CTNNAL1: variants seen among roughly 807,000 people sequenced by gnomAD.
CTNNAL1 encodes the protein alpha-catulin.
In CTNNAL1, 69 loss-of-function variants were observed where a neutral mutation model predicts 93.6. The ratio of observed to expected loss-of-function variants is 0.74; its 90% confidence interval spans 0.61 to 0.90. The LOEUF is 0.90. Among genes scored for constraint, CTNNAL1 ranks in the 40% least tolerant of loss-of-function variants. CTNNAL1 has a pLI of 0.00. For synonymous variants in CTNNAL1, 286 were observed against 305.4 expected, an observed-to-expected ratio of 0.94 and a Z score of 0.66; for missense variants, 836 against 862.0, an observed-to-expected ratio of 0.97 and a Z score of 0.38.
At chr9:108,976,501 C>T (rs1831268416) in intron 8 of CTNNAL1, among the ~76,000 whole-genome samples, 1 of 151,934 alleles carries the variant, frequency 6.6e-6, no homozygotes, top group Non-Finnish European at 1.5e-5. Flanking sequence ...AAAATCATGG[C>T]TTCAAAATAA....
chr9:109,005,595 A>G (rs1405332307), intron 1 of CTNNAL1, among the ~76,000 whole-genome samples: 1 of 151,942 alleles, frequency 6.6e-6, no homozygotes, highest in Non-Finnish European at 1.5e-5. Context: ...CAGAATGTGG[A>G]CCCTCACTGG....
intron 3 of CTNNAL1, 132 bp downstream of exon 3, chr9:108,992,500 G>A (rs1014602474): frequency 1.4e-5 from 16 of 1,157,620 alleles, no homozygotes; most frequent in Admixed American, 3.0e-5. Flanking sequence ...ATCCTGCATT[G>A]CACATTAATT....
At chr9:109,013,280 G>A (rs1416597291) in intron 1 of CTNNAL1, 22 bp downstream of exon 1, 1 of 1,479,422 alleles carries the variant, frequency 6.8e-7, no homozygotes, top group Non-Finnish European at 9.0e-7. Flanking sequence ...GAGAAGAGGG[G>A]CCGCGCCAGG....
chr9:108,976,656 G>A (rs1444756950), intron 8 of CTNNAL1, among the ~76,000 whole-genome samples: 3 of 151,734 alleles, frequency 2.0e-5, no homozygotes, highest in Admixed American at 6.6e-5. Flanking sequence ...TCAGCCTCCC[G>A]AGTAGCTGGG....
intron 8 of CTNNAL1, 31 bp from the exon 9 acceptor site, chr9:108,972,864 G>GGGGGGGGGGGGGGGGCCCCCCCC: frequency 4.9e-5 from 7 of 142,518 alleles, no homozygotes; most frequent in Non-Finnish European, 7.0e-5. Context: ...GGGGGGGTGG[G>GGGGGGGGGGGGGGGGCCCCCCCC]AGGGTGGAGA....
intron 11 of CTNNAL1, among the ~76,000 whole-genome samples, chr9:108,956,683 A>C (rs1273328519): frequency 1.3e-5 from 2 of 152,232 alleles, no homozygotes; most frequent in Admixed American, 6.5e-5. Context: ...AAGAGCACTA[A>C]ATCATACCTT....
At chr9:108,975,750 C>G (rs1400019852) in intron 8 of CTNNAL1, among the ~76,000 whole-genome samples, 2 of 151,926 alleles carry the variant, frequency 1.3e-5, no homozygotes, top group Non-Finnish European at 2.9e-5. Flanking sequence ...TATTTTAGGC[C>G]CTATTGTGAC....
intron 11 of CTNNAL1, among the ~76,000 whole-genome samples, chr9:108,957,681 C>T (rs1261612095): frequency 3.3e-5 from 5 of 152,048 alleles, no homozygotes; most frequent in African/African-American, 1.2e-4. Flanking sequence ...GAAAAGTGCT[C>T]GATTTAGTTG....
chr9:109,011,728 A>G (rs66633513), intron 1 of CTNNAL1, among the ~76,000 whole-genome samples: 40,346 of 152,226 alleles, frequency 0.27, 6,250 homozygotes, highest in African/African-American at 0.43. Context: ...AAGCCCTAAC[A>G]ACAAATTATT....
In CTNNAL1 at chr9:108,986,606, G is replaced by A. The variant is rs919722071; in HGVS notation, c.640-2170C>T. On this transcript the variant is annotated intron_variant, in intron 4 of 18. Transcript: ENST00000325551. Reference sequence around the variant, plus strand: ...TAGATCCCTGAGGAATCGCCACACTGACTTCCACAATGGTTGAACTAGTTT... The same window carrying A: ...TAGATCCCTGAGGAATCGCCACACTAACTTCCACAATGGTTGAACTAGTTT... Among the ~76,000 whole-genome samples the A allele has an allele frequency of 3.6e-3, 541 of 151,374 alleles. 3 individuals are homozygous for A. The highest frequency in any genetic ancestry group is 0.013 in the African/African-American group (520 of 41,280).
At chr9:108,959,978 TA>T (rs1466086646) in intron 11 of CTNNAL1, among the ~76,000 whole-genome samples, 3 of 152,182 alleles carry the variant, frequency 2.0e-5, no homozygotes, top group African/African-American at 7.2e-5. Flanking sequence ...ATCTACAAAA[TA>T]AATCGAATTC....
intron 8 of CTNNAL1, 31 bp from the exon 9 acceptor site, chr9:108,972,864 G>GCGCCCCCCCCC: frequency 2.1e-5 from 3 of 142,556 alleles, no homozygotes; most frequent in Non-Finnish European, 3.0e-5. Context: ...GGGGGGGTGG[G>GCGCCCCCCCCC]AGGGTGGAGA....
At chr9:108,958,082 A>C (rs1044943226) in intron 11 of CTNNAL1, among the ~76,000 whole-genome samples, 2 of 151,370 alleles carry the variant, frequency 1.3e-5, no homozygotes, top group South Asian at 2.1e-4. Context: ...AAAAAAAAAA[A>C]AACAAAGTGG....
chr9:109,004,422 C>A (rs1826950654), intron 1 of CTNNAL1, among the ~76,000 whole-genome samples: 1 of 152,154 alleles, frequency 6.6e-6, no homozygotes, highest in Admixed American at 6.5e-5. Flanking sequence ...GGATTTAAAT[C>A]CAGATATTCT....
chr9:108,990,641 T>C lies in CTNNAL1; in HGVS notation c.639+85A>G. ...TAGACTTAATAAGCAAAGAAACCAG[T>C]CCAAACAATCCTAACGATCATACCT... On this transcript the variant is annotated intron_variant, in intron 4 of 18. Transcript: ENST00000325551. 4 of 1,476,458 alleles carry C rather than the reference T, an allele frequency of 2.7e-6. No homozygotes were observed. The East Asian group carries it at 7.2e-5, about 27-fold the overall frequency. 91.5% of individuals were successfully genotyped at this position (1,476,458 alleles called of 1,614,324 possible).
chr9:108,952,500 A>G lies in CTNNAL1; in HGVS notation c.1630-6T>C. ...TTCAGGTTTGCATTATTCTTCTGTG[A>G]CAATAAAAAGATTAAGATTATCTTA... On this transcript the variant is annotated splice_polypyrimidine_tract_variant and splice_region_variant and intron_variant, in intron 12 of 18. Transcript: ENST00000325551. 6.2e-7 allele frequency: 1 copy of G among 1,614,124 alleles called. No homozygotes were observed. Among genetic ancestry groups the G allele is most frequent in the South Asian group, 1.1e-5 (1 of 91,068 alleles).
chr9:108,959,745 C>A (rs1486050405), intron 11 of CTNNAL1, among the ~76,000 whole-genome samples: 1 of 152,138 alleles, frequency 6.6e-6, no homozygotes, highest in Non-Finnish European at 1.5e-5. Flanking sequence ...ATAGAATTGT[C>A]TTCAAAGCAC....
chr9:108,977,071 A>G, intron 7 of CTNNAL1, 23 bp from the exon 8 acceptor site: 1 of 1,163,226 alleles, frequency 8.6e-7, no homozygotes, highest in Non-Finnish European at 1.2e-6. Context: ...AAAAGTATAC[A>G]TGTAATGTTA....
At chr9:108,972,974 C>T (rs1831161236) in intron 8 of CTNNAL1, 141 bp from the exon 9 acceptor site, 1 of 1,030,912 alleles carries the variant, frequency 9.7e-7, no homozygotes, top group Admixed American at 3.0e-5. Flanking sequence ...AGCCGCAAAG[C>T]AGTTCCATGG....
Sources: allele counts gnomAD v4.1 joint callset (sites outside exome capture counted in the v4.1 genomes callset), GRCh38; gene constraint gnomAD v4.1.1; transcripts MANE v1.5; gene names NCBI Gene and HGNC (gene_info 2026-07-23, HGNC 2026-07-21).